RNF220: variants seen among roughly 807,000 people sequenced by gnomAD.
RNF220 encodes the protein ring finger protein 220, also known as E3 ubiquitin-protein ligase RNF220.
RNF220 carries 7 observed loss-of-function variants against 67.1 expected under a neutral mutation model. The ratio of observed to expected loss-of-function variants is 0.10; its 90% CI spans 0.06 to 0.20. The LOEUF is 0.20. RNF220 is among the 10% of genes least tolerant of loss of function. RNF220 has a pLI of 1.00. For synonymous variants in RNF220, 270 were observed against 283.2 expected (o/e 0.95, Z 0.47); for missense variants, 565 against 740.3 (o/e 0.76, Z 2.75).
At chr1:44,547,946 AAC>A (rs1662302742) in intron 2 of RNF220, among the ~76,000 whole-genome samples, 1 of 151,980 alleles carries the variant, frequency 6.6e-6, no homozygotes, top group African/African-American at 2.4e-5. Context: ...CCAGACTCTT[AAC>A]ACAGTCTTAT....
intron 2 of RNF220, among the ~76,000 whole-genome samples, chr1:44,420,597 T>A (rs1004929300): frequency 1.3e-5 from 2 of 152,226 alleles, no homozygotes; most frequent in African/African-American, 4.8e-5. Flanking sequence ...TTGCCCCCTT[T>A]GAGCCTCAAC....
intron 4 of RNF220, among the ~76,000 whole-genome samples, chr1:44,626,021 C>T (rs1643928600): frequency 1.3e-5 from 2 of 152,102 alleles, no homozygotes; most frequent in South Asian, 2.1e-4. Context: ...TCAGCCTACT[C>T]GGAGTGGACT....
chr1:44,467,329 A>T (rs2147979542), intron 2 of RNF220, among the ~76,000 whole-genome samples: 1 of 152,322 alleles, frequency 6.6e-6, no homozygotes, highest in Middle Eastern at 3.4e-3. Flanking sequence ...CTCCTGCCTC[A>T]GCCTCCCGAG....
chr1:44,646,381 G>A (rs892449569), intron 12 of RNF220, among the ~76,000 whole-genome samples: 8 of 152,276 alleles, frequency 5.3e-5, no homozygotes, highest in African/African-American at 1.2e-4. Flanking sequence ...GGCCGGGGCC[G>A]CGAGTGCTGC....
At chr1:44,529,227 A>G (rs72689708) in intron 2 of RNF220, among the ~76,000 whole-genome samples, 30,874 of 152,172 alleles carry the variant, frequency 0.2, 4,198 homozygotes, top group Non-Finnish European at 0.3. Flanking sequence ...TAAATAAGTT[A>G]TAGTATAATC....
intron 2 of RNF220, among the ~76,000 whole-genome samples, chr1:44,495,150 C>T (rs1389512479): frequency 6.6e-6 from 1 of 151,772 alleles, no homozygotes; most frequent in African/African-American, 2.4e-5. Flanking sequence ...GAGGTTGAGG[C>T]TGCAATGAGC....
intron 2 of RNF220, among the ~76,000 whole-genome samples, chr1:44,430,234 C>A (rs61769114): frequency 6.6e-6 from 1 of 151,878 alleles, no homozygotes; most frequent in East Asian, 1.9e-4. Flanking sequence ...CTTGTATGCT[C>A]TTCTGCGGTA....
intron 2 of RNF220, among the ~76,000 whole-genome samples, chr1:44,442,361 T>G (rs1651645555): frequency 1.3e-5 from 2 of 152,074 alleles, no homozygotes; most frequent in African/African-American, 4.8e-5. Flanking sequence ...CAGGCTGGTC[T>G]CCAACTCTTG....
At chr1:44,429,485 G>C (rs977484287) in intron 2 of RNF220, among the ~76,000 whole-genome samples, 1 of 152,144 alleles carries the variant, frequency 6.6e-6, no homozygotes, top group African/African-American at 2.4e-5. Flanking sequence ...AGAGGAAATC[G>C]TAAGGGACAT....
At chr1:44,577,069 C>T (rs11211015) in intron 2 of RNF220, among the ~76,000 whole-genome samples, 4,683 of 152,276 alleles carry the variant, frequency 0.031, 208 homozygotes, top group East Asian at 0.16. Flanking sequence ...GCTGATACAG[C>T]AGATTCAAAT....
chr1:44,529,257 A>G (rs1660644512), intron 2 of RNF220, among the ~76,000 whole-genome samples: 1 of 152,176 alleles, frequency 6.6e-6, no homozygotes, highest in South Asian at 2.1e-4. Flanking sequence ...AATATTGTTC[A>G]GCCATTTAAA....
Position 44,536,183 on chromosome 1 carries a change from A to G in RNF220, c.626-77982A>G, listed in dbSNP as rs554076832. 4.7e-4 allele frequency among the ~76,000 whole-genome samples: 71 copies of G among 152,250 alleles called. 2 individuals carry two copies. The highest frequency in any genetic ancestry group is 1.5e-3 in the African/African-American group (62 of 41,550). On this transcript the variant is annotated intron_variant, in intron 2 of 14. Transcript: ENST00000361799. ...TCTGGGAAAGTCAGAGCTTCCCTCC[A>G]TACTCCTCCCAGAACACTGAGTGGG...
chr1:44,593,529 A>G (rs1666258157), intron 2 of RNF220, among the ~76,000 whole-genome samples: 1 of 151,920 alleles, frequency 6.6e-6, no homozygotes, highest in Non-Finnish European at 1.5e-5. Flanking sequence ...GTTGAAGACC[A>G]GCCTGGGCAA....
chr1:44,444,849 G>A (rs1435339595), intron 2 of RNF220, among the ~76,000 whole-genome samples: 1 of 152,176 alleles, frequency 6.6e-6, no homozygotes, highest in Non-Finnish European at 1.5e-5. Context: ...GTATCCTGGT[G>A]TACAGGGCCT....
intron 2 of RNF220, among the ~76,000 whole-genome samples, chr1:44,513,111 C>G (rs984138668): frequency 6.6e-6 from 1 of 152,222 alleles, no homozygotes; most frequent in African/African-American, 2.4e-5. Context: ...AAGGTTCCCC[C>G]ACTTTCTGGC....
At chr1:44,641,579 G>A (rs74828386) in intron 8 of RNF220, among the ~76,000 whole-genome samples, 2 of 152,128 alleles carry the variant, frequency 1.3e-5, no homozygotes, top group East Asian at 1.9e-4. Flanking sequence ...AAGCGGGAGG[G>A]GGGGCAAGCT....
chr1:44,412,091 G>A lies in RNF220; in HGVS notation c.-7G>A, dbSNP rs1225300754. The A allele has an allele frequency of 6.3e-7, 1 of 1,599,146 alleles. No individual in the cohort carries two copies. The highest frequency in any genetic ancestry group is 8.5e-7 in the Non-Finnish European group (1 of 1,170,584). On this transcript the variant is annotated 5_prime_UTR_variant, in exon 2 of 15. Coordinates refer to ENST00000361799, the MANE Select transcript of RNF220 (RefSeq NM_018150.4). The surrounding 1 kb of genome is among the most constrained non-coding windows in gnomAD (Gnocchi z 5.3). Reference sequence around the variant, plus strand: ...TTGCGTAACGCCGGCCACAGAAAGAGACTCCGATGGACTTACACCGGGCAG... The same window carrying A: ...TTGCGTAACGCCGGCCACAGAAAGAAACTCCGATGGACTTACACCGGGCAG...
At chr1:44,515,600 A>G (rs1285342313) in intron 2 of RNF220, among the ~76,000 whole-genome samples, 1 of 152,178 alleles carries the variant, frequency 6.6e-6, no homozygotes, top group Non-Finnish European at 1.5e-5. Flanking sequence ...CTTCAGACCT[A>G]CTATTTAATT....
At chr1:44,497,820 C>T (rs1324249124) in intron 2 of RNF220, among the ~76,000 whole-genome samples, 9 of 152,206 alleles carry the variant, frequency 5.9e-5, no homozygotes, top group Admixed American at 6.5e-5. Flanking sequence ...TCTCGTGTCT[C>T]CCCTCTTTCT....
Sources: gnomAD v4.1 joint callset for allele counts (sites outside exome capture counted in the v4.1 genomes callset) on GRCh38, gnomAD v4.1.1 for gene constraint, Gnocchi (gnomAD v3.1) non-coding constraint, MANE v1.5 for transcripts, NCBI Gene and HGNC (gene_info 2026-07-23, HGNC 2026-07-21) for gene names.